NLRC5: variants seen among roughly 807,000 people sequenced by gnomAD.
The protein encoded by NLRC5 is protein NLRC5.
Under a neutral mutation model 206.9 loss-of-function variants are expected in NLRC5, and 114 were observed. That is an observed-to-expected ratio of 0.55 (90% CI 0.47 to 0.64). The LOEUF (loss-of-function observed/expected upper bound fraction) is 0.64, where lower values mean the gene tolerates loss of function less well. Ranked by LOEUF, NLRC5 falls within the 30% of genes least tolerant of loss-of-function variation. The probability of loss-of-function intolerance (pLI) is 0.00; values close to 1 mark genes in which losing one functional copy is unlikely to be tolerated. For synonymous variants in NLRC5, 952 were observed against 962.8 expected (o/e 0.99, Z 0.21); for missense variants, 2,008 against 2,305.5 (o/e 0.87, Z 2.64).
chr16:57,044,919 A>C (rs2063747402), intron 20 of NLRC5, among the ~76,000 whole-genome samples: 1 of 151,140 alleles, frequency 6.6e-6, no homozygotes, highest in Non-Finnish European at 1.5e-5. Flanking sequence ...CAAAGAAAAA[A>C]AAATGTCAGG....
chr16:57,076,623 T>G (rs1030301976), intron 39 of NLRC5, among the ~76,000 whole-genome samples, 196 bp from the exon 40 acceptor site: 1 of 152,202 alleles, frequency 6.6e-6, no homozygotes, highest in Non-Finnish European at 1.5e-5. Flanking sequence ...CTCTCAAGTT[T>G]TCTCACCTGG....
At chr16:57,023,702 C>A in intron 4 of NLRC5, 83 bp from the exon 5 acceptor site, 2 of 1,182,238 alleles carry the variant, frequency 1.7e-6, no homozygotes, top group Non-Finnish European at 2.4e-6. Flanking sequence ...TGTCTGTGGA[C>A]TGGAGTTCCC....
chr16:57,069,825 A>G lies in NLRC5; in HGVS notation c.4500-11A>G. 6.3e-7 allele frequency: 1 copy of G among 1,599,450 alleles called. No homozygotes were observed. The highest frequency in any genetic ancestry group is 2.3e-5 in the East Asian group (1 of 44,376). The stretch of plus-strand genomic sequence containing the variant: ...CTCCTGCCTGACCTGTTGCCCTTTG[A>G]CCCCCACCAGGCTGACCTCCAGCTG... On this transcript the variant is annotated splice_polypyrimidine_tract_variant and intron_variant, in intron 36 of 48. Transcript: ENST00000688547.
At chr16:57,059,616 C>T in intron 30 of NLRC5, 84 bp downstream of exon 30, 1 of 1,291,918 alleles carries the variant, frequency 7.7e-7, no homozygotes, top group Non-Finnish European at 1.1e-6. Flanking sequence ...CCCCTCTTCC[C>T]TGGGCCCTCT....
chr16:57,053,152 A>G (rs2144327948), intron 24 of NLRC5: 1 of 152,338 alleles, frequency 6.6e-6, no homozygotes, highest in South Asian at 2.1e-4. Context: ...GTGATAAGAG[A>G]ATTTTCTCGG....
chr16:57,080,997 G>T, intron 46 of NLRC5, 101 bp from the exon 47 acceptor site: 2 of 1,031,614 alleles, frequency 1.9e-6, no homozygotes, highest in South Asian at 1.4e-5. Flanking sequence ...GAAAACCCTT[G>T]CCCCCACGAC....
At chr16:57,020,205 A>G (rs1463663771) in intron 2 of NLRC5, among the ~76,000 whole-genome samples, 5 of 133,802 alleles carry the variant, frequency 3.7e-5, no homozygotes, top group African/African-American at 1.4e-4. Context: ...GTTCATCTGT[A>G]CCCCACTCAC....
intron 1 of NLRC5, among the ~76,000 whole-genome samples, chr16:57,003,489 G>A (rs558206207): frequency 2.0e-5 from 3 of 152,060 alleles, no homozygotes; most frequent in Admixed American, 2.0e-4. Context: ...ATCTCTGCCC[G>A]GATGCCCCCA....
rs756679759 is a variant in NLRC5 at position 57,022,256 on chromosome 16, G to T, written c.296G>T (p.Gly99Val). The T allele has an allele frequency of 4.3e-6, 7 of 1,611,270 alleles. No homozygotes were observed. ...LLLSTFGYDD[G>V]FTSQLGAEGK... ...CATTATACTCTCCCCTCTCTTGCAG[G>T]GTTCACCAGCCAGCTGGGAGCTGAG... is the stretch of plus-strand genomic sequence containing the variant. Residue 99 changes from glycine to valine, a missense_variant and splice_region_variant, in exon 4 of 49, where the codon GGG (glycine) becomes GTG (valine). Gly to Val is a moderately radical substitution (Grantham distance 109). Coordinates refer to ENST00000688547, the MANE Select transcript of NLRC5 (RefSeq NM_001384950.1).
At chr16:57,031,618 T>C (rs2061895578) in intron 11 of NLRC5, among the ~76,000 whole-genome samples, 155 bp downstream of exon 11, 1 of 151,592 alleles carries the variant, frequency 6.6e-6, no homozygotes, top group South Asian at 2.1e-4. Context: ...CTGCTTAGGT[T>C]GGCAAAGGAT....
intron 26 of NLRC5, 143 bp from the exon 27 acceptor site, chr16:57,055,290 G>A (rs1372804654): frequency 4.4e-6 from 4 of 899,418 alleles, no homozygotes; most frequent in Non-Finnish European, 3.5e-6. Context: ...TGGGAGCAGT[G>A]GATTCTGGAC....
chr16:57,037,912 A>T (rs539427039), intron 15 of NLRC5, among the ~76,000 whole-genome samples: 1 of 152,132 alleles, frequency 6.6e-6, no homozygotes, highest in Non-Finnish European at 1.5e-5. Context: ...CCCTCAAGGG[A>T]GGAGAGGGAA....
At chr16:56,995,251 C>T (rs907683760) in intron 1 of NLRC5, among the ~76,000 whole-genome samples, 3 of 152,178 alleles carry the variant, frequency 2.0e-5, no homozygotes, top group Non-Finnish European at 4.4e-5. Context: ...CCCCAGGAAT[C>T]GCAGAGCTCC....
intron 36 of NLRC5, among the ~76,000 whole-genome samples, chr16:57,069,073 G>A (rs1205309917): frequency 1.3e-5 from 2 of 152,160 alleles, no homozygotes; most frequent in Non-Finnish European, 2.9e-5. Flanking sequence ...TGTGACAGTG[G>A]TGTCTGCCAG....
chr16:57,071,425 G>GT, intron 38 of NLRC5, among the ~76,000 whole-genome samples: 1 of 139,112 alleles, frequency 7.2e-6, no homozygotes, highest in Non-Finnish European at 1.6e-5. Context: ...AGTGGTGATG[G>GT]TGGTTAATGG....
Position 57,074,657 on chromosome 16 carries a change from C to A in NLRC5, c.4725C>A (p.Ser1575Arg). Residue 1575 changes from serine (S) to arginine (R), a missense_variant, in exon 39 of 49, where the codon AGC becomes AGA. Ser to Arg is a moderately radical substitution (Grantham distance 110). Transcript: ENST00000688547. The stretch of plus-strand genomic sequence containing the variant: ...TGGCCTTGCTTACTCACAGACTAAG[C>A]CAGATGACCTGCCTGCAGAGCCTCA... ...STLALLTHRLSQMTCLQSLRL... is the reference protein window; with the variant it reads ...STLALLTHRLRQMTCLQSLRL... 1 of 1,613,892 alleles carries A rather than the reference C, an allele frequency of 6.2e-7. No individual in the cohort carries two copies. The highest frequency in any genetic ancestry group is 8.5e-7 in the Non-Finnish European group (1 of 1,179,826).
chr16:57,056,209 G>C (rs780718199), intron 27 of NLRC5, among the ~76,000 whole-genome samples: 3 of 152,332 alleles, frequency 2.0e-5, no homozygotes, highest in East Asian at 1.9e-4. Context: ...GAAATAGAGA[G>C]AGCAGTCCGC....
intron 47 of NLRC5, 112 bp downstream of exon 47, chr16:57,081,293 T>G: frequency 8.8e-7 from 1 of 1,131,756 alleles, no homozygotes; most frequent in South Asian, 1.4e-5. Context: ...TTCCTTGAGT[T>G]GCACACTCTG....
chr16:57,021,772 T>C (rs748323250), intron 3 of NLRC5, among the ~76,000 whole-genome samples: 1 of 152,188 alleles, frequency 6.6e-6, no homozygotes, highest in Non-Finnish European at 1.5e-5. Flanking sequence ...CTTGGGCACC[T>C]TCTGTTTGCA....
Sources: allele counts gnomAD v4.1 joint callset (sites outside exome capture counted in the v4.1 genomes callset), GRCh38; gene constraint gnomAD v4.1.1; transcripts MANE v1.5; gene names NCBI Gene and HGNC (gene_info 2026-07-23, HGNC 2026-07-21).